PYHIN1: variants seen among roughly 807,000 people sequenced by gnomAD.
PYHIN1 encodes pyrin and HIN domain-containing protein 1.
PYHIN1 carries 32 observed loss-of-function variants against 43.7 expected under a neutral mutation model. That is an observed-to-expected ratio of 0.73 (90% CI 0.55 to 0.98). PYHIN1 has a LOEUF of 0.98. PYHIN1 is among the 50% of genes least tolerant of loss of function. The pLI, the probability that PYHIN1 is intolerant of heterozygous loss-of-function variation, is 0.00. For missense variants in PYHIN1, 588 were observed against 589.5 expected (o/e 1.00, Z 0.03); for synonymous variants, 205 against 203.1 (o/e 1.01, Z -0.08).
In PYHIN1 at chr1:158,948,359, T is replaced by C. The variant is rs150498209; in HGVS notation, c.1359+3317T>C. ...TTTTAGTTTTAAGTTGCTTTATGTC[T>C]GCTGCCAAATTGTCATGAAAGGTTT... On this transcript the variant is annotated intron_variant, in intron 7 of 8. Transcript: ENST00000368140. Among the ~76,000 whole-genome samples, 11 of 152,332 alleles carry C rather than the reference T, an allele frequency of 7.2e-5. No individual in the cohort carries two copies. In the East Asian group the frequency reaches 2.1e-3, roughly 29 times the overall value.
intron 3 of PYHIN1, 32 bp downstream of exon 3, chr1:158,938,574 T>A: frequency 6.2e-7 from 1 of 1,610,664 alleles, no homozygotes; most frequent in African/African-American, 1.3e-5. Flanking sequence ...AGGCTTCAAG[T>A]CTCACAGTGG....
intron 7 of PYHIN1, among the ~76,000 whole-genome samples, chr1:158,961,141 A>G (rs1379969203): frequency 2.0e-5 from 3 of 152,176 alleles, no homozygotes; most frequent in Non-Finnish European, 4.4e-5. Flanking sequence ...ATGTATATGT[A>G]TATTATCACA....
chr1:158,945,870 T>A (rs1649191367), intron 7 of PYHIN1, among the ~76,000 whole-genome samples: 1 of 152,172 alleles, frequency 6.6e-6, no homozygotes, highest in South Asian at 2.1e-4. Context: ...TCCTTCTTCA[T>A]AACCATCAAG....
At chr1:158,974,248 C>A (rs1477980490) in intron 8 of PYHIN1, among the ~76,000 whole-genome samples, 1 of 151,990 alleles carries the variant, frequency 6.6e-6, no homozygotes, top group Non-Finnish European at 1.5e-5. Flanking sequence ...TATTTCTGGG[C>A]CAACCAAAAT....
rs1258208364 is a variant in PYHIN1 at position 158,973,772 on chromosome 1, G to T, written c.*5+1G>T. On this transcript the variant is annotated splice_donor_variant, in intron 8 of 8. Transcript: ENST00000368140. LOFTEE classifies it low-confidence loss of function (3UTR_SPLICE). ...GCCATCCAGCAGTTCCTTAAATAAG[G>T]TACCACCTTTCTATTTGCATTGCTG... 6.2e-7 allele frequency: 1 copy of T among 1,612,312 alleles called. No homozygotes were observed. Among genetic ancestry groups the T allele is most frequent in the Non-Finnish European group, 8.5e-7 (1 of 1,179,054 alleles).
rs906512907 is a variant in PYHIN1, at chr1:158,973,542, C to A, written c.1360-105C>A. 1.4e-5 allele frequency: 13 copies of A among 959,314 alleles called. 1 individual carries two copies. The highest frequency in any genetic ancestry group is 9.5e-5 in the South Asian group (6 of 63,118). 59.4% of individuals were successfully genotyped at this position (959,314 alleles called of 1,614,324 possible). On this transcript the variant is annotated intron_variant, in intron 7 of 8. Transcript: ENST00000368140. ...ACACACACACACACACACACATATA[C>A]ACACATGTATTACATCCAACTTATA...
intron 7 of PYHIN1, among the ~76,000 whole-genome samples, chr1:158,968,578 G>A (rs369696166): frequency 2.0e-5 from 3 of 152,204 alleles, no homozygotes; most frequent in South Asian, 4.1e-4. Flanking sequence ...ATTTGACCCA[G>A]CAATCCTAGT....
At chr1:158,979,069 A>G (rs1409639423), downstream of PYHIN1, among the ~76,000 whole-genome samples, 1 of 152,210 alleles carries the variant, frequency 6.6e-6, no homozygotes, top group Non-Finnish European at 1.5e-5. Flanking sequence ...GCAAATGATT[A>G]TGATTGGAAG....
At chr1:158,988,302 G>A in the PYHIN1 span, among the ~76,000 whole-genome samples, 1 of 152,154 alleles carries the variant, frequency 6.6e-6, no homozygotes, top group East Asian at 1.9e-4. Context: ...CTGGAAGAAT[G>A]AGGTATATAA....
At chr1:158,974,049 G>A (rs1651101022) in intron 8 of PYHIN1, among the ~76,000 whole-genome samples, 1 of 151,992 alleles carries the variant, frequency 6.6e-6, no homozygotes, top group African/African-American at 2.4e-5. Flanking sequence ...TCCAGACAAG[G>A]AGAGATGAAT....
chr1:158,936,058 TTTA>T lies in PYHIN1; in HGVS notation c.-20-816_-20-814del, dbSNP rs769135459. Among the ~76,000 whole-genome samples the T allele has an allele frequency of 2.9e-4, 44 of 151,714 alleles. 1 individual carries two copies. The highest frequency in any genetic ancestry group is 7.5e-4 in the African/African-American group (31 of 41,320). On this transcript the variant is annotated intron_variant, in intron 1 of 8. Transcript: ENST00000368140. ...CACATATTCATGGACAACTCTTTCTTTTATTATTATTATTATTATACTTTAAGT... is the reference window on the plus strand; with the variant it reads ...CACATATTCATGGACAACTCTTTCTTTTATTATTATTATTATACTTTAAGT...
chr1:158,933,229 C>T lies in PYHIN1; in HGVS notation c.-21+1453C>T, dbSNP rs977203330. ...ACATGTTTCCAAACATAAACATACACATATAAATATATATATTTGTGGCAC... is the reference window on the plus strand; with the variant it reads ...ACATGTTTCCAAACATAAACATACATATATAAATATATATATTTGTGGCAC... On this transcript the variant is annotated intron_variant, in intron 1 of 8. Coordinates refer to ENST00000368140, the MANE Select transcript of PYHIN1 (RefSeq NM_152501.5). This position sits in a 1 kb window ranked among gnomAD's most constrained non-coding sequence, Gnocchi z 6.3. 6.6e-6 allele frequency among the ~76,000 whole-genome samples: 1 copy of T among 151,072 alleles called. No individual in the cohort carries two copies. The highest frequency in any genetic ancestry group is 1.5e-5 in the Non-Finnish European group (1 of 67,716).
intron 7 of PYHIN1, among the ~76,000 whole-genome samples, chr1:158,970,263 A>G (rs1650860029): frequency 6.6e-6 from 1 of 152,016 alleles, no homozygotes; most frequent in African/African-American, 2.4e-5. Flanking sequence ...TCTGTAATGA[A>G]AATGTTTTTG....
intron 7 of PYHIN1, among the ~76,000 whole-genome samples, chr1:158,948,981 T>C (rs1436305698): frequency 1.3e-5 from 2 of 152,028 alleles, no homozygotes; most frequent in African/African-American, 4.8e-5. Context: ...AAGGAAAACA[T>C]ATGGATGGGG....
chr1:158,966,669 T>C (rs1650650974), intron 7 of PYHIN1, among the ~76,000 whole-genome samples: 1 of 152,144 alleles, frequency 6.6e-6, no homozygotes, highest in African/African-American at 2.4e-5. Context: ...CATCCCTTCA[T>C]GTTAAAAACC....
intron 1 of PYHIN1, among the ~76,000 whole-genome samples, 183 bp downstream of exon 1, chr1:158,931,959 A>G (rs2101632539): frequency 6.6e-6 from 1 of 152,294 alleles, no homozygotes; most frequent in South Asian, 2.1e-4. Flanking sequence ...ACTTACTTCA[A>G]AGATAGTAGA....
intron 7 of PYHIN1, among the ~76,000 whole-genome samples, chr1:158,948,472 T>G (rs1005128836): frequency 2.0e-5 from 3 of 152,220 alleles, no homozygotes; most frequent in African/African-American, 7.2e-5. Context: ...TGCCCCCAGT[T>G]GCAGTTTCAT....
chr1:158,936,534 G>C (rs1238809884), intron 1 of PYHIN1, among the ~76,000 whole-genome samples: 2 of 151,986 alleles, frequency 1.3e-5, no homozygotes, highest in African/African-American at 4.8e-5. Context: ...ATGCAAGGCT[G>C]GTTCAACATA....
At chr1:158,973,605 T>A in intron 7 of PYHIN1, 42 bp from the exon 8 acceptor site, 1 of 1,609,438 alleles carries the variant, frequency 6.2e-7, no homozygotes. Context: ...GTTCTTTCTG[T>A]CATAAAGTGA....
Sources: allele counts gnomAD v4.1 joint callset (sites outside exome capture counted in the v4.1 genomes callset), GRCh38; gene constraint gnomAD v4.1.1; non-coding constraint Gnocchi (gnomAD v3.1); transcripts MANE v1.5; gene names NCBI Gene and HGNC (gene_info 2026-07-23, HGNC 2026-07-21).